DHX36: variants seen among roughly 807,000 people sequenced by gnomAD.
The protein encoded by DHX36 is ATP-dependent DNA/RNA helicase DHX36.
Under a neutral mutation model 139.0 loss-of-function variants are expected in DHX36, and 50 were observed. That is an observed-to-expected ratio of 0.36 (90% CI 0.29 to 0.46). DHX36 has a LOEUF of 0.46. Among genes scored for constraint, DHX36 ranks in the 20% least tolerant of loss-of-function variants. The pLI is 1.00. For synonymous variants in DHX36, 425 were observed against 401.9 expected, an observed-to-expected ratio of 1.06 and a Z score of -0.69; for missense variants, 1,024 against 1,211.3, an observed-to-expected ratio of 0.85 and a Z score of 2.29.
chr3:154,304,953 G>A lies in DHX36; in HGVS notation c.988C>T (p.His330Tyr). The change falls in exon 8 of 25, where the codon CAT (histidine) becomes TAT (tyrosine). Residue 330 changes from histidine (H) to tyrosine (Y), a missense_variant. Coordinates refer to ENST00000496811, the MANE Select transcript of DHX36 (RefSeq NM_020865.3). Reference protein sequence around the residue: ...QSDPYLSSVSHIVLDEIHERN... With the variant: ...QSDPYLSSVSYIVLDEIHERN... Reference sequence around the variant, plus strand: ...TCATGGATTTCATCAAGTACGATATGACTAACACTGGACAAATACCTAAGG... The same window carrying A: ...TCATGGATTTCATCAAGTACGATATAACTAACACTGGACAAATACCTAAGG... 6.2e-7 allele frequency: 1 copy of A among 1,607,148 alleles called. No homozygotes were observed. Among genetic ancestry groups the A allele is most frequent in the South Asian group, 1.1e-5 (1 of 89,396 alleles).
At chr3:154,292,746 C>T in intron 14 of DHX36, 52 bp from the exon 15 acceptor site, 1 of 1,589,044 alleles carries the variant, frequency 6.3e-7, no homozygotes, top group Non-Finnish European at 8.6e-7. Context: ...CACACACACA[C>T]ACACACACAC....
intron 15 of DHX36, 98 bp from the exon 16 acceptor site, chr3:154,289,924 T>C: frequency 1.5e-6 from 1 of 681,830 alleles, no homozygotes; most frequent in Non-Finnish European, 2.5e-6. Context: ...GTAGCCAATA[T>C]CAATTTCTTA....
chr3:154,285,300 A>G (rs1711511314), intron 17 of DHX36, among the ~76,000 whole-genome samples: 1 of 152,196 alleles, frequency 6.6e-6, no homozygotes, highest in Admixed American at 6.5e-5. Context: ...ACAAACAACA[A>G]AAACAAAAGA....
chr3:154,286,247 A>T (rs1711550660), intron 17 of DHX36, among the ~76,000 whole-genome samples: 1 of 150,892 alleles, frequency 6.6e-6, no homozygotes, highest in African/African-American at 2.4e-5. Flanking sequence ...CTTTAAGAAG[A>T]ATAAGACAAG....
intron 1 of DHX36, among the ~76,000 whole-genome samples, chr3:154,316,910 A>T (rs1415265675): frequency 6.6e-6 from 1 of 152,078 alleles, no homozygotes; most frequent in African/African-American, 2.4e-5. Context: ...AATTTATGGG[A>T]CTACAAACCT....
intron 12 of DHX36, among the ~76,000 whole-genome samples, chr3:154,297,935 A>G (rs1712108237): frequency 6.6e-6 from 1 of 152,198 alleles, no homozygotes; most frequent in Admixed American, 6.5e-5. Context: ...AGCATTTAAT[A>G]AACTGAGTTT....
At chr3:154,321,485 G>A (rs562112946) in intron 1 of DHX36, among the ~76,000 whole-genome samples, 1 of 152,236 alleles carries the variant, frequency 6.6e-6, no homozygotes, top group South Asian at 2.1e-4. Context: ...TTAGGTGATA[G>A]CCCATATTCT....
intron 15 of DHX36, among the ~76,000 whole-genome samples, chr3:154,291,194 T>A (rs1318703590): frequency 1.3e-5 from 2 of 148,678 alleles, no homozygotes; most frequent in African/African-American, 4.9e-5. Context: ...ATACTATAGC[T>A]TTTTCTGATC....
At chr3:154,310,751 C>A (rs1326940996) in intron 4 of DHX36, among the ~76,000 whole-genome samples, 1 of 116,192 alleles carries the variant, frequency 8.6e-6, no homozygotes, top group Non-Finnish European at 1.6e-5. Flanking sequence ...TGCACTCCAG[C>A]CTGGCAACAG....
intron 22 of DHX36, chr3:154,278,375 T>A (rs927818771): frequency 9.9e-5 from 15 of 152,198 alleles, no homozygotes; most frequent in African/African-American, 3.6e-4. Flanking sequence ...TTTAATAATT[T>A]ATTTTTAAAT....
In DHX36 at chr3:154,276,742, G is replaced by T. The variant is rs997410014; in HGVS notation, c.2841+5C>A. 5.0e-6 allele frequency: 8 copies of T among 1,613,218 alleles called. 1 individual carries two copies. The Middle Eastern group carries it at 1.3e-3, about 266-fold the overall frequency. On this transcript the variant is annotated splice_donor_5th_base_variant and intron_variant, in intron 24 of 24. Transcript: ENST00000496811. ...GATTTAAGATAATCACATAAAGTCA[G>T]TCACCTTAACAAGATGGGCAATTCT...
chr3:154,300,927 C>A (rs1385666822), intron 10 of DHX36, 60 bp downstream of exon 10: 9 of 1,593,934 alleles, frequency 5.6e-6, no homozygotes, highest in Admixed American at 3.6e-5. Flanking sequence ...ATGCCCCCAG[C>A]CTCTGGCTTT....
At position 154,289,829 on chromosome 3, in the gene DHX36, T is replaced by TAAAAA; in HGVS notation, c.1815-8_1815-4dup. ...GATAGCAATGACCAGGTTGAACTCT[T>TAAAAA]AAAAAAAAAACAAAACAAAATGAAA... On this transcript the variant is annotated splice_polypyrimidine_tract_variant and splice_region_variant and intron_variant, in intron 15 of 24. Coordinates refer to ENST00000496811, the MANE Select transcript of DHX36 (RefSeq NM_020865.3). The TAAAAA allele has an allele frequency of 7.2e-7, 1 of 1,395,042 alleles. No individual in the cohort carries two copies. Among genetic ancestry groups the TAAAAA allele is most frequent in the Non-Finnish European group, 9.7e-7 (1 of 1,030,638 alleles). 86.4% of individuals were successfully genotyped at this position (1,395,042 alleles called of 1,614,324 possible). A position where few individuals can be genotyped will look rare whatever the true frequency, so the allele number is the denominator to read the frequency against.
Position 154,306,278 on chromosome 3 carries a change from A to T in DHX36, c.831T>A (p.Ala277=), listed in dbSNP as rs767877395. 1.2e-6 allele frequency: 2 copies of T among 1,613,456 alleles called. No homozygotes were observed. The highest frequency in any genetic ancestry group is 2.2e-5 in the South Asian group (2 of 91,078). The change falls in exon 6 of 25, where the codon GCT becomes GCA. Residue 277 remains alanine, a synonymous_variant. Coordinates refer to ENST00000496811, the MANE Select transcript of DHX36 (RefSeq NM_020865.3). ...TGCCACAAGATTCTGCCCTTTCTGC[A>T]GCTACTCTTTCCGCAACCTTTAATT... ...ISAISVAERV[A]AERAESCGSG...
In DHX36 at chr3:154,276,798, T is replaced by C. The variant is rs374164936; in HGVS notation, c.2790A>G (p.Val930=). Residue 930 remains valine (V), a synonymous_variant, in exon 24 of 25, where the codon GTA becomes GTG. Coordinates refer to ENST00000496811, the MANE Select transcript of DHX36 (RefSeq NM_020865.3). ...QKDNDQETIA[V]DEWIVFQSPA... is the part of the protein sequence containing the mutation. ...GAGACTGAAATACAATCCACTCATC[T>C]ACAGCAATAGTTTCCTGATCGTTAT... is the stretch of plus-strand genomic sequence containing the variant. 2.7e-5 allele frequency: 44 copies of C among 1,613,852 alleles called. No homozygotes were observed. Among genetic ancestry groups the C allele is most frequent in the Non-Finnish European group, 1.0e-5 (12 of 1,179,940 alleles).
In DHX36 at chr3:154,288,849, C is replaced by A. The variant is rs1711665031; in HGVS notation, c.2031+17G>T. 2.7e-6 allele frequency: 4 copies of A among 1,456,140 alleles called. No homozygotes were observed. The highest frequency in any genetic ancestry group is 1.4e-5 in the African/African-American group (1 of 69,570). 90.2% of individuals were successfully genotyped at this position (1,456,140 alleles called of 1,614,324 possible). ...GTATTCTAAGTTAGAATTAAAAAAACAAGAAAACAAATTTACCAGCTCCAT... is the reference window on the plus strand; with the variant it reads ...GTATTCTAAGTTAGAATTAAAAAAAAAAGAAAACAAATTTACCAGCTCCAT... On this transcript the variant is annotated intron_variant, in intron 17 of 24. Coordinates refer to ENST00000496811, the MANE Select transcript of DHX36 (RefSeq NM_020865.3).
In DHX36 at chr3:154,285,059, T is replaced by A. The variant is rs879012629; in HGVS notation, c.2032-72A>T. ...CATTTAAAACGATTTTAGCTTGCTT[T>A]AAAAAGAGTAACAAGCCACTACTCT... On this transcript the variant is annotated intron_variant, in intron 17 of 24. Transcript: ENST00000496811. 165 of 1,476,064 alleles carry A rather than the reference T, an allele frequency of 1.1e-4. No homozygotes were observed. In the Admixed American group the frequency reaches 1.3e-3, roughly 12 times the overall value. The allele number at this position is 1,476,064 out of a possible 1,614,324, so 91.4% of individuals were successfully genotyped here. A position where few individuals can be genotyped will look rare whatever the true frequency, so the allele number is the denominator to read the frequency against.
Position 154,289,787 on chromosome 3 carries a change from A to G in DHX36, c.1854T>C (p.Leu618=). 6.2e-7 allele frequency: 1 copy of G among 1,613,380 alleles called. No individual in the cohort carries two copies. Among genetic ancestry groups the G allele is most frequent in the Admixed American group, 1.7e-5 (1 of 60,000 alleles). The change falls in exon 16 of 25, where the codon CTT becomes CTC. Residue 618 remains leucine, a synonymous_variant. Transcript: ENST00000496811. ...PGHCYHLYNG[L]RASLLDDYQL... ...GATAGTCATCTAGAAGACTTGCTCT[A>G]AGACCATTATACAGATGATAGCAAT...
At position 154,284,929 on chromosome 3, in the gene DHX36, GGT is replaced by G. The variant is rs1559946325; in HGVS notation, c.2088_2089del (p.Leu696PhefsTer3). 6.2e-7 allele frequency: 1 copy of G among 1,614,116 alleles called. No individual in the cohort carries two copies. The highest frequency in any genetic ancestry group is 8.5e-7 in the Non-Finnish European group (1 of 1,180,006). On this transcript the variant is annotated frameshift_variant, in exon 18 of 25. Transcript: ENST00000496811. LOFTEE classifies it high-confidence loss of function. The stretch of plus-strand genomic sequence containing the variant: ...CATTTTTCCAATATGTGGCTCAACG[GGT>G]AATCGTGCCAAGTGGACTCCAAGAG...
Sources: gnomAD v4.1 joint callset for allele counts (sites outside exome capture counted in the v4.1 genomes callset) on GRCh38, gnomAD v4.1.1 for gene constraint, MANE v1.5 for transcripts, NCBI Gene and HGNC (gene_info 2026-07-23, HGNC 2026-07-21) for gene names.